PCBP4: variants seen among roughly 807,000 people sequenced by gnomAD.
PCBP4 encodes poly(rC)-binding protein 4.
In PCBP4, 24 loss-of-function variants were observed where a neutral mutation model predicts 46.2. That is an observed-to-expected ratio of 0.52 (90% CI 0.38 to 0.73). PCBP4 has a LOEUF of 0.73. Ranked by LOEUF, PCBP4 falls within the 30% of genes least tolerant of loss-of-function variation. The pLI, the probability that PCBP4 is intolerant of heterozygous loss-of-function variation, is 0.00. For synonymous variants in PCBP4, 203 were observed against 224.4 expected (o/e 0.90, Z 0.85); for missense variants, 407 against 537.0 (o/e 0.76, Z 2.39).
At position 51,961,287 on chromosome 3, in the gene PCBP4, G is replaced by C. The variant is rs776533140; in HGVS notation, c.-47C>G. ...CACAGCGACCTGCGAGTGTGTCCGC[G>C]CTGCAACCTGGCCGGCTCTGGCAGG... On this transcript the variant is annotated 5_prime_UTR_variant, in exon 3 of 14. Coordinates refer to ENST00000461554, the MANE Select transcript of PCBP4 (RefSeq NM_001174100.2). The C allele has an allele frequency of 1.3e-6, 2 of 1,589,250 alleles. No individual in the cohort carries two copies. Among genetic ancestry groups the C allele is most frequent in the Non-Finnish European group, 1.7e-6 (2 of 1,170,508 alleles).
Position 51,958,245 on chromosome 3 carries a change from G to T in PCBP4, c.1028C>A (p.Pro343His), listed in dbSNP as rs1264195381. 27 of 1,603,330 alleles carry T rather than the reference G, an allele frequency of 1.7e-5. No homozygotes were observed. The highest frequency in any genetic ancestry group is 2.2e-5 in the Non-Finnish European group (26 of 1,175,290). ...GGCATAGGGTGTGCCCAGCAGGCCA[G>T]GGGGAGCTGTGGGCAGGGCCGTCAG... ...PPLTALPTAP[P>H]GLLGTPYAIS... The change falls in exon 14 of 14, where the codon CCT (proline) becomes CAT (histidine). Residue 343 changes from proline to histidine, a missense_variant. Physicochemically the swap from Pro to His is moderately conservative, Grantham distance 77. Coordinates refer to ENST00000461554, the MANE Select transcript of PCBP4 (RefSeq NM_001174100.2). The surrounding 1 kb of genome is among the most constrained non-coding windows in gnomAD (Gnocchi z 5.4).
Position 51,960,270 on chromosome 3 carries a change from C to A in PCBP4, c.306G>T (p.Val102=), listed in dbSNP as rs1296145100. The part of the protein sequence containing the change: ...ANGGNVSRPP[V]TLRLVIPASQ... ...TGGCAGGGATGACAAGGCGCAGGGT[C>A]ACTGGAGGCCTGGAGACATTTCCAC... The change falls in exon 7 of 14, where the codon GTG becomes GTT. Residue 102 remains valine (V), a synonymous_variant. Coordinates refer to ENST00000461554, the MANE Select transcript of PCBP4 (RefSeq NM_001174100.2). This position sits in a 1 kb window ranked among gnomAD's most constrained non-coding sequence, Gnocchi z 5.0. 12 of 1,613,980 alleles carry A rather than the reference C, an allele frequency of 7.4e-6. No homozygotes were observed. The highest frequency in any genetic ancestry group is 5.0e-5 in the Admixed American group (3 of 60,012).
rs1013748646 is a variant in PCBP4, at chr3:51,967,318, C to G, written c.-213+8G>C. The G allele has an allele frequency of 6.6e-6, 1 of 151,316 alleles. No individual in the cohort carries two copies. The highest frequency in any genetic ancestry group is 2.4e-5 in the African/African-American group (1 of 41,148). The allele number at this position is 151,316 out of a possible 1,614,324, so 9.4% of individuals were successfully genotyped here. On this transcript the variant is annotated splice_region_variant and intron_variant, in intron 1 of 13. Coordinates refer to ENST00000461554, the MANE Select transcript of PCBP4 (RefSeq NM_001174100.2). ...GGCCCGCCGTGCCCCGCCCGGCCCGCGCCCTACCTCGCTGGGGCTGTCCTG... is the reference window on the plus strand; with the variant it reads ...GGCCCGCCGTGCCCCGCCCGGCCCGGGCCCTACCTCGCTGGGGCTGTCCTG...
Position 51,960,275 on chromosome 3 carries a change from G to T in PCBP4, c.301C>A (p.Pro101Thr). ...GGGATGACAAGGCGCAGGGTCACTG[G>T]AGGCCTGGAGACATTTCCACCATTT... ...PANGGNVSRP[P>T]VTLRLVIPAS... Residue 101 changes from proline (P) to threonine (T), a missense_variant, in exon 7 of 14, where the codon CCA becomes ACA. Transcript: ENST00000461554. The surrounding 1 kb of genome is among the most constrained non-coding windows in gnomAD (Gnocchi z 5.0). The T allele has an allele frequency of 6.2e-7, 1 of 1,614,108 alleles. No homozygotes were observed. The highest frequency in any genetic ancestry group is 8.5e-7 in the Non-Finnish European group (1 of 1,180,042).
chr3:51,959,526 C>A lies in PCBP4; in HGVS notation c.591+51G>T. 6.5e-7 allele frequency: 1 copy of A among 1,534,610 alleles called. No homozygotes were observed. The highest frequency in any genetic ancestry group is 1.2e-5 in the South Asian group (1 of 83,208). ...CCTTCTTCCATCCCCTCCTCTATCT[C>A]AATCCCCCTTCTCCAGTAATGTGTC... is the stretch of plus-strand genomic sequence containing the variant. On this transcript the variant is annotated intron_variant, in intron 9 of 13. Coordinates refer to ENST00000461554, the MANE Select transcript of PCBP4 (RefSeq NM_001174100.2). The surrounding 1 kb of genome is among the most constrained non-coding windows in gnomAD (Gnocchi z 5.6).
intron 1 of PCBP4, among the ~76,000 whole-genome samples, chr3:51,963,609 G>A (rs1402892119): frequency 6.6e-6 from 1 of 152,200 alleles, no homozygotes; most frequent in African/African-American, 2.4e-5. Flanking sequence ...CAGGAGGGCT[G>A]GAACATGGCC....
At position 51,960,942 on chromosome 3, in the gene PCBP4, C is replaced by T. The variant is rs763716868; in HGVS notation, c.106-44G>A. On this transcript the variant is annotated intron_variant, in intron 4 of 13. Coordinates refer to ENST00000461554, the MANE Select transcript of PCBP4 (RefSeq NM_001174100.2). This position sits in a 1 kb window ranked among gnomAD's most constrained non-coding sequence, Gnocchi z 5.0. ...AGATAATCACTCTTAACTTAGAGGT[C>T]ACAGCCTCCTTCCCTGGGCTGAAGC... The T allele has an allele frequency of 1.7e-5, 27 of 1,613,978 alleles. No homozygotes were observed. Among genetic ancestry groups the T allele is most frequent in the Non-Finnish European group, 2.2e-5 (26 of 1,179,926 alleles).
In PCBP4 at chr3:51,959,581, T is replaced by A; in HGVS notation, c.587A>T (p.Asn196Ile). 1 of 1,552,284 alleles carries A rather than the reference T, an allele frequency of 6.4e-7. No individual in the cohort carries two copies. Among genetic ancestry groups the A allele is most frequent in the Non-Finnish European group, 8.7e-7 (1 of 1,147,000 alleles). ...LSLGTVLLSA[N>I]QGFSVQGQYG... ...TGCTCCTGTTGTTCCCCTCACCTGGTTGGCAGAGAGAAGAACAGTACCTAG... is the reference window on the plus strand; with the variant it reads ...TGCTCCTGTTGTTCCCCTCACCTGGATGGCAGAGAGAAGAACAGTACCTAG... Residue 196 changes from asparagine (N) to isoleucine (I), a missense_variant, in exon 9 of 14, where the codon AAC (asparagine) becomes ATC (isoleucine). By Grantham distance (149) the Asn-to-Ile change is moderately radical. Coordinates refer to ENST00000461554, the MANE Select transcript of PCBP4 (RefSeq NM_001174100.2). The surrounding 1 kb of genome is among the most constrained non-coding windows in gnomAD (Gnocchi z 5.6).
chr3:51,964,045 GC>G (rs1381036246), intron 1 of PCBP4, among the ~76,000 whole-genome samples: 1 of 152,134 alleles, frequency 6.6e-6, no homozygotes, highest in Non-Finnish European at 1.5e-5. Context: ...CGGGTGCCCA[GC>G]CCCCTCTGGT....
At position 51,959,516 on chromosome 3, in the gene PCBP4, T is replaced by C; in HGVS notation, c.591+61A>G. On this transcript the variant is annotated intron_variant, in intron 9 of 13. Coordinates refer to ENST00000461554, the MANE Select transcript of PCBP4 (RefSeq NM_001174100.2). This position sits in a 1 kb window ranked among gnomAD's most constrained non-coding sequence, Gnocchi z 5.6. ...ACCTCCAATTCCTTCTTCCATCCCC[T>C]CCTCTATCTCAATCCCCCTTCTCCA... 2 of 1,526,650 alleles carry C rather than the reference T, an allele frequency of 1.3e-6. No individual in the cohort carries two copies. The highest frequency in any genetic ancestry group is 2.4e-5 in the East Asian group (1 of 40,972). 94.6% of individuals were successfully genotyped at this position (1,526,650 alleles called of 1,614,324 possible).
At position 51,961,196 on chromosome 3, in the gene PCBP4, G is replaced by A; in HGVS notation, c.45C>T (p.Ser15=). The A allele has an allele frequency of 6.2e-7, 1 of 1,613,378 alleles. No homozygotes were observed. The highest frequency in any genetic ancestry group is 2.2e-5 in the East Asian group (1 of 44,880). ...TCAGCATCCGCAGCGTGAGGGTGAT[G>A]CTGAGCTCTGGCTCCTCCTCCAGTC... ...DGGLEEEPEL[S]ITLTLRMLMH... Residue 15 remains serine, a synonymous_variant, in exon 3 of 14, where the codon AGC becomes AGT. Coordinates refer to ENST00000461554, the MANE Select transcript of PCBP4 (RefSeq NM_001174100.2).
rs192066766 is a variant in PCBP4 at position 51,965,036 on chromosome 3, A to G, written c.-213+2290T>C. Among the ~76,000 whole-genome samples the G allele has an allele frequency of 5.6e-3, 850 of 152,302 alleles. 6 individuals carry two copies. Among genetic ancestry groups the G allele is most frequent in the African/African-American group, 0.019 (805 of 41,568 alleles). On this transcript the variant is annotated intron_variant, in intron 1 of 13. Coordinates refer to ENST00000461554, the MANE Select transcript of PCBP4 (RefSeq NM_001174100.2). ...GCAGCCCCCAGGAGTCTTCGGAACC[A>G]AGGGAAACCAAGTCAAGCCCGGGCC...
intron 2 of PCBP4, chr3:51,961,645 A>T: frequency 2.1e-6 from 1 of 485,804 alleles, no homozygotes; most frequent in Non-Finnish European, 2.7e-6. Flanking sequence ...ATAATTAACT[A>T]GGAAGCCTAT....
rs944001580 is a variant in PCBP4 at position 51,960,941 on chromosome 3, T to G, written c.106-43A>C. On this transcript the variant is annotated intron_variant, in intron 4 of 13. Transcript: ENST00000461554. This position sits in a 1 kb window ranked among gnomAD's most constrained non-coding sequence, Gnocchi z 5.0. ...CAGATAATCACTCTTAACTTAGAGGTCACAGCCTCCTTCCCTGGGCTGAAG... is the reference window on the plus strand; with the variant it reads ...CAGATAATCACTCTTAACTTAGAGGGCACAGCCTCCTTCCCTGGGCTGAAG... 1 of 1,614,020 alleles carries G rather than the reference T, an allele frequency of 6.2e-7. No homozygotes were observed. The highest frequency in any genetic ancestry group is 1.3e-5 in the African/African-American group (1 of 75,028).
At chr3:51,963,550 T>C (rs1700279395) in intron 1 of PCBP4, among the ~76,000 whole-genome samples, 1 of 152,146 alleles carries the variant, frequency 6.6e-6, no homozygotes, top group South Asian at 2.1e-4. Context: ...CCTGACATTG[T>C]CCCCAAACCA....
intron 2 of PCBP4, 56 bp from the exon 3 acceptor site, chr3:51,961,360 C>A: frequency 6.8e-7 from 1 of 1,474,982 alleles, no homozygotes. Flanking sequence ...CCTGCCCCTG[C>A]CCTTACATGG....
intron 1 of PCBP4, among the ~76,000 whole-genome samples, chr3:51,966,724 G>T (rs567486301): frequency 6.6e-6 from 1 of 152,072 alleles, no homozygotes; most frequent in Non-Finnish European, 1.5e-5. Flanking sequence ...CAGGGATAGG[G>T]GAGAGAGGAG....
chr3:51,963,551 C>T (rs1170975014), intron 1 of PCBP4, among the ~76,000 whole-genome samples: 2 of 152,208 alleles, frequency 1.3e-5, no homozygotes, highest in African/African-American at 2.4e-5. Flanking sequence ...CTGACATTGT[C>T]CCCAAACCAT....
At chr3:51,965,424 C>T (rs1700376981) in intron 1 of PCBP4, among the ~76,000 whole-genome samples, 1 of 152,248 alleles carries the variant, frequency 6.6e-6, no homozygotes, top group Admixed American at 6.5e-5. Flanking sequence ...TTCTCAAACG[C>T]CACCTCCTCT....
Sources: gnomAD v4.1 joint callset for allele counts (sites outside exome capture counted in the v4.1 genomes callset) on GRCh38, gnomAD v4.1.1 for gene constraint, Gnocchi (gnomAD v3.1) non-coding constraint, MANE v1.5 for transcripts, NCBI Gene and HGNC (gene_info 2026-07-23, HGNC 2026-07-21) for gene names.